KCNQ3: variants seen among roughly 807,000 people sequenced by gnomAD.
The protein encoded by KCNQ3 is potassium voltage-gated channel subfamily Q member 3.
A neutral mutation model predicts 92.5 loss-of-function variants in KCNQ3; 30 were observed. That is an observed-to-expected ratio of 0.32 (90% confidence interval 0.24 to 0.44). The LOEUF (loss-of-function observed/expected upper bound fraction) is 0.44, where lower values mean the gene tolerates loss of function less well. Ranked by LOEUF, KCNQ3 falls within the 20% of genes least tolerant of loss-of-function variation. KCNQ3 has a pLI of 1.00. For missense variants in KCNQ3, 913 were observed against 1,140.3 expected (o/e 0.80, Z 2.87); for synonymous variants, 450 against 468.8 (o/e 0.96, Z 0.52).
chr8:132,187,188 A>G (rs1479132750), intron 1 of KCNQ3: 1 of 456,060 alleles, frequency 2.2e-6, no homozygotes, highest in Admixed American at 2.3e-5. Flanking sequence ...TACTCTACTT[A>G]GGTTCTACCC....
chr8:132,291,452 A>G (rs1357543115), intron 1 of KCNQ3, among the ~76,000 whole-genome samples: 7 of 152,176 alleles, frequency 4.6e-5, no homozygotes, highest in Admixed American at 4.6e-4. Flanking sequence ...AAATCATGTA[A>G]ATCTATATTA....
At chr8:132,457,590 G>C (rs144544196) in intron 1 of KCNQ3, among the ~76,000 whole-genome samples, 1 of 152,112 alleles carries the variant, frequency 6.6e-6, no homozygotes, top group Non-Finnish European at 1.5e-5. Context: ...CTCTGACACC[G>C]TTCCATCTTT....
chr8:132,390,863 C>G (rs1308923190), intron 1 of KCNQ3, among the ~76,000 whole-genome samples: 1 of 152,150 alleles, frequency 6.6e-6, no homozygotes, highest in South Asian at 2.1e-4. Flanking sequence ...TTAAATAAGA[C>G]AATGGAAGGG....
At chr8:132,267,390 CT>C (rs1816021511) in intron 1 of KCNQ3, among the ~76,000 whole-genome samples, 1 of 152,148 alleles carries the variant, frequency 6.6e-6, no homozygotes, top group African/African-American at 2.4e-5. Context: ...TATTTAAGGT[CT>C]TTGCACGTAT....
At chr8:132,476,169 G>A (rs1020898906) in intron 1 of KCNQ3, among the ~76,000 whole-genome samples, 1 of 152,246 alleles carries the variant, frequency 6.6e-6, no homozygotes, top group South Asian at 2.1e-4. Flanking sequence ...GAGGAGGTAT[G>A]GAAACACCTG....
chr8:132,202,862 G>T (rs1470893351), intron 1 of KCNQ3, among the ~76,000 whole-genome samples: 1 of 152,172 alleles, frequency 6.6e-6, no homozygotes, highest in Non-Finnish European at 1.5e-5. Flanking sequence ...TAGTTGCAAA[G>T]CTGCTTCCAC....
At chr8:132,396,949 CGT>C (rs112457824) in intron 1 of KCNQ3, among the ~76,000 whole-genome samples, 2 of 149,762 alleles carry the variant, frequency 1.3e-5, no homozygotes, top group African/African-American at 4.9e-5. Context: ...TGTGTGTGTG[CGT>C]GTGTGTGTGT....
intron 1 of KCNQ3, among the ~76,000 whole-genome samples, chr8:132,364,113 C>T (rs947751202): frequency 1.3e-5 from 2 of 152,094 alleles, no homozygotes; most frequent in Non-Finnish European, 2.9e-5. Flanking sequence ...TTCCTTGACA[C>T]TTAGTCAATG....
intron 9 of KCNQ3, among the ~76,000 whole-genome samples, chr8:132,146,673 A>G (rs1825459533): frequency 1.3e-5 from 2 of 151,724 alleles, no homozygotes; most frequent in South Asian, 4.2e-4. Context: ...GGCTCACTGC[A>G]ACCTCTGCTC....
At chr8:132,206,752 T>C (rs1450557205) in intron 1 of KCNQ3, among the ~76,000 whole-genome samples, 1 of 152,200 alleles carries the variant, frequency 6.6e-6, no homozygotes, top group East Asian at 1.9e-4. Context: ...CCTAGTCTGG[T>C]TACGGTTTTT....
At chr8:132,255,986 C>T (rs200759823) in intron 1 of KCNQ3, among the ~76,000 whole-genome samples, 1 of 108,882 alleles carries the variant, frequency 9.2e-6, no homozygotes, top group Non-Finnish European at 2.1e-5. Flanking sequence ...ATAAACAAAC[C>T]AAAAAAACAG....
chr8:132,303,565 G>GACAT (rs1554642779), intron 1 of KCNQ3, among the ~76,000 whole-genome samples: 1 of 42,566 alleles, frequency 2.3e-5, no homozygotes, highest in African/African-American at 9.4e-5. Context: ...AAGAAAATGT[G>GACAT]ATATATATAT....
chr8:132,392,034 G>C (rs1820060724), intron 1 of KCNQ3, among the ~76,000 whole-genome samples: 1 of 152,154 alleles, frequency 6.6e-6, no homozygotes, highest in Non-Finnish European at 1.5e-5. Context: ...GCATCCTGCT[G>C]TCATAAACCA....
chr8:132,271,916 C>A (rs137883596), intron 1 of KCNQ3, among the ~76,000 whole-genome samples: 2 of 152,168 alleles, frequency 1.3e-5, no homozygotes, highest in Non-Finnish European at 2.9e-5. Flanking sequence ...CTGGCTGATC[C>A]TTTTGTGTAC....
At chr8:132,388,020 GGAAGAA>G (rs1215552899) in intron 1 of KCNQ3, among the ~76,000 whole-genome samples, 1 of 141,654 alleles carries the variant, frequency 7.1e-6, no homozygotes, top group Non-Finnish European at 1.5e-5. Flanking sequence ...AAGAGGAAGA[GGAAGAA>G]GAAGAAGAGG....
In KCNQ3 at chr8:132,480,840, C is replaced by T. The variant is rs1822546576; in HGVS notation, c.-308G>A. The T allele has an allele frequency of 1.3e-5, 2 of 158,208 alleles. No individual in the cohort carries two copies. Among genetic ancestry groups the T allele is most frequent in the Non-Finnish European group, 2.7e-5 (2 of 74,438 alleles). The allele number at this position is 158,208 out of a possible 1,614,324, so 9.8% of individuals were successfully genotyped here. A position where few individuals can be genotyped will look rare whatever the true frequency, so the allele number is the denominator to read the frequency against. The stretch of plus-strand genomic sequence containing the variant: ...CGAGGCTGGCGCGGAGGCGCTAGGG[C>T]GCGCGGCGGCGGGAGCCTGGAACCG... On this transcript the variant is annotated 5_prime_UTR_variant, in exon 1 of 15. Coordinates refer to ENST00000388996, the MANE Select transcript of KCNQ3 (RefSeq NM_004519.4).
intron 1 of KCNQ3, among the ~76,000 whole-genome samples, chr8:132,219,808 G>A (rs1814160905): frequency 6.6e-6 from 1 of 152,046 alleles, no homozygotes; most frequent in Admixed American, 6.5e-5. Context: ...GGATATTGTG[G>A]TGCAACACAA....
chr8:132,247,768 A>G (rs1815231086), intron 1 of KCNQ3, among the ~76,000 whole-genome samples: 1 of 151,882 alleles, frequency 6.6e-6, no homozygotes, highest in Admixed American at 6.6e-5. Flanking sequence ...ACTGCACTCC[A>G]GCCTGGGCAA....
chr8:132,159,607 A>G (rs2130058777), intron 9 of KCNQ3, among the ~76,000 whole-genome samples: 1 of 152,338 alleles, frequency 6.6e-6, no homozygotes, highest in East Asian at 1.9e-4. Flanking sequence ...TGGAGCTGTT[A>G]GTATCTACTG....
Sources: allele counts gnomAD v4.1 joint callset (sites outside exome capture counted in the v4.1 genomes callset), GRCh38; gene constraint gnomAD v4.1.1; transcripts MANE v1.5; gene names NCBI Gene and HGNC (gene_info 2026-07-23, HGNC 2026-07-21).